The following IL1F10 variants were observed in gnomAD, a reference collection of about 807,000 sequenced individuals.
IL1F10 encodes interleukin-1 family member 10.
IL1F10 carries 13 observed loss-of-function variants against 13.1 expected under a neutral mutation model. The observed-to-expected ratio is 0.99, with a 90% CI of 0.64 to 1.57. The LOEUF is 1.57. Among genes scored for constraint, IL1F10 ranks in the 40% most tolerant of loss-of-function variants. The pLI, the probability that IL1F10 is intolerant of heterozygous loss-of-function variation, is 0.00. For missense variants in IL1F10, 191 were observed against 184.1 expected (o/e 1.04, Z -0.22); for synonymous variants, 78 against 68.2 (o/e 1.14, Z -0.71).
At chr2:113,072,557 G>A in intron 1 of IL1F10, 154 bp from the exon 2 acceptor site, 1 of 576,986 alleles carries the variant, frequency 1.7e-6, no homozygotes. Context: ...CTGCTGGGCT[G>A]GTGGAAGCCT....
intron 3 of IL1F10, 105 bp from the exon 4 acceptor site, chr2:113,074,618 C>A: frequency 7.1e-7 from 1 of 1,413,350 alleles, no homozygotes; most frequent in Non-Finnish European, 1.0e-6. Flanking sequence ...AGGGCCAGGC[C>A]AGGTGTGCCC....
chr2:113,068,244 A>T (rs1685775564), intron 1 of IL1F10, among the ~76,000 whole-genome samples: 1 of 152,220 alleles, frequency 6.6e-6, no homozygotes, highest in African/African-American at 2.4e-5. Flanking sequence ...TGAACTACTT[A>T]GAACAACTGA....
intron 1 of IL1F10, among the ~76,000 whole-genome samples, chr2:113,071,444 C>T (rs1685833141): frequency 6.6e-6 from 1 of 152,158 alleles, no homozygotes; most frequent in African/African-American, 2.4e-5. Flanking sequence ...AAGGGAAACA[C>T]ATGCAATCAC....
chr2:113,069,545 A>C lies in IL1F10; in HGVS notation c.-29+1529A>C, dbSNP rs28928277. ...GAGGAATATTATGACAGTGAGAGAA[A>C]TGAAATTGGGAGGAATGTGTGGGCT... On this transcript the variant is annotated intron_variant, in intron 1 of 4. Transcript: ENST00000341010. Among the ~76,000 whole-genome samples, 298 of 152,336 alleles carry C rather than the reference A, an allele frequency of 2.0e-3. 3 individuals are homozygous for C. Among genetic ancestry groups the C allele is most frequent in the African/African-American group, 6.7e-3 (278 of 41,566 alleles).
rs1393975660 is a variant in IL1F10 at position 113,072,760 on chromosome 2, A to G, written c.22A>G (p.Arg8Gly). The G allele has an allele frequency of 1.9e-6, 3 of 1,613,368 alleles. No homozygotes were observed. Among genetic ancestry groups the G allele is most frequent in the Non-Finnish European group, 2.5e-6 (3 of 1,179,634 alleles). MCSLPMA[R>G]YYIIKYADQK... ...AGGAATGTGTTCCCTCCCCATGGCA[A>G]GATACTACATGTAAGTTGTCCTGGC... Residue 8 changes from arginine to glycine, a missense_variant, in exon 2 of 5, where the codon AGA (arginine) becomes GGA (glycine). Transcript: ENST00000341010.
chr2:113,073,532 G>A (rs1685876879), intron 2 of IL1F10, among the ~76,000 whole-genome samples: 3 of 152,132 alleles, frequency 2.0e-5, no homozygotes, highest in African/African-American at 7.2e-5. Flanking sequence ...TCTGGGTTCT[G>A]GTCTCCAAAT....
intron 1 of IL1F10, among the ~76,000 whole-genome samples, chr2:113,070,519 C>G (rs1034364249): frequency 2.6e-5 from 4 of 152,110 alleles, no homozygotes; most frequent in Admixed American, 6.5e-5. Flanking sequence ...CTTTGTTGCC[C>G]CACCTAGATC....
chr2:113,071,159 G>A (rs1364572871), intron 1 of IL1F10, among the ~76,000 whole-genome samples: 1 of 152,306 alleles, frequency 6.6e-6, no homozygotes, highest in South Asian at 2.1e-4. Flanking sequence ...GTCTCTATGT[G>A]TGGATTTAAA....
chr2:113,074,304 C>T (rs1314776558), intron 2 of IL1F10, 25 bp from the exon 3 acceptor site: 4 of 1,462,400 alleles, frequency 2.7e-6, no homozygotes, highest in Middle Eastern at 1.7e-4. Context: ...GGGAATGGGC[C>T]ATCAGCACTG....
intron 1 of IL1F10, among the ~76,000 whole-genome samples, chr2:113,071,290 T>G (rs1174716799): frequency 6.6e-6 from 1 of 152,242 alleles, no homozygotes; most frequent in Non-Finnish European, 1.5e-5. Context: ...ACATCCTTAT[T>G]TATTGAATTT....
At chr2:113,068,177 T>G (rs1685774540) in intron 1 of IL1F10, among the ~76,000 whole-genome samples, 161 bp downstream of exon 1, 1 of 152,212 alleles carries the variant, frequency 6.6e-6, no homozygotes, top group Non-Finnish European at 1.5e-5. Context: ...CAAAAACATT[T>G]AGGAGCACAT....
At chr2:113,072,987 T>C (rs1243818410) in intron 2 of IL1F10, among the ~76,000 whole-genome samples, 1 of 152,198 alleles carries the variant, frequency 6.6e-6, no homozygotes, top group Non-Finnish European at 1.5e-5. Flanking sequence ...AAAAAGTCTG[T>C]AAGTGGAGTG....
chr2:113,070,825 T>C (rs1254905208), intron 1 of IL1F10, among the ~76,000 whole-genome samples: 1 of 152,170 alleles, frequency 6.6e-6, no homozygotes, highest in Non-Finnish European at 1.5e-5. Flanking sequence ...TATATATTTA[T>C]TAATAAGTGT....
chr2:113,075,025 G>T, intron 4 of IL1F10, 127 bp from the exon 5 acceptor site: 1 of 1,219,520 alleles, frequency 8.2e-7, no homozygotes, highest in South Asian at 1.4e-5. Flanking sequence ...TCTAGAATCT[G>T]CAGAAGGCAG....
At chr2:113,069,863 C>G (rs1685800563) in intron 1 of IL1F10, among the ~76,000 whole-genome samples, 1 of 152,126 alleles carries the variant, frequency 6.6e-6, no homozygotes, top group Non-Finnish European at 1.5e-5. Flanking sequence ...GTCAAGGGTT[C>G]CAAGGAGGCA....
At chr2:113,068,204 A>G (rs1685774948) in intron 1 of IL1F10, among the ~76,000 whole-genome samples, 188 bp downstream of exon 1, 1 of 152,220 alleles carries the variant, frequency 6.6e-6, no homozygotes, top group Non-Finnish European at 1.5e-5. Flanking sequence ...ATTTGAGGAG[A>G]AGGAATAGGT....
chr2:113,075,179 G>T lies in IL1F10; in HGVS notation c.274G>T (p.Gly92Cys). 6 of 1,612,734 alleles carry T rather than the reference G, an allele frequency of 3.7e-6. No individual in the cohort carries two copies. Among genetic ancestry groups the T allele is most frequent in the Non-Finnish European group, 5.1e-6 (6 of 1,179,636 alleles). Residue 92 changes from glycine (G) to cysteine (C), a missense_variant, in exon 5 of 5, where the codon GGT (glycine) becomes TGT (cysteine). Physicochemically the swap from Gly to Cys is radical, Grantham distance 159. Coordinates refer to ENST00000341010, the MANE Select transcript of IL1F10 (RefSeq NM_173161.3). ...TGTGAACATTGAGGAACTGTACAAA[G>T]GTGGTGAAGAGGCCACACGCTTCAC... is the stretch of plus-strand genomic sequence containing the variant. The part of the protein sequence containing the change: ...EDVNIEELYK[G>C]GEEATRFTFF...
chr2:113,070,365 G>A (rs972495572), intron 1 of IL1F10, among the ~76,000 whole-genome samples: 1 of 152,202 alleles, frequency 6.6e-6, no homozygotes, highest in Non-Finnish European at 1.5e-5. Context: ...TGTACATTTT[G>A]GCTGTGCCAG....
At position 113,075,425 on chromosome 2, in the gene IL1F10, C is replaced by A; in HGVS notation, c.*61C>A. 1 of 1,244,380 alleles carries A rather than the reference C, an allele frequency of 8.0e-7. No homozygotes were observed. The highest frequency in any genetic ancestry group is 1.1e-6 in the Non-Finnish European group (1 of 889,338). The allele number at this position is 1,244,380 out of a possible 1,614,324, so 77.1% of individuals were successfully genotyped here. A position where few individuals can be genotyped will look rare whatever the true frequency, so the allele number is the denominator to read the frequency against. ...AAACCAAGCTCATCCTGCTCAGGGT[C>A]TATGGTAGGCAGAATAATGTCCCCC... On this transcript the variant is annotated 3_prime_UTR_variant, in exon 5 of 5. Coordinates refer to ENST00000341010, the MANE Select transcript of IL1F10 (RefSeq NM_173161.3).
Sources: allele counts gnomAD v4.1 joint callset (sites outside exome capture counted in the v4.1 genomes callset), GRCh38; gene constraint gnomAD v4.1.1; transcripts MANE v1.5; gene names NCBI Gene and HGNC (gene_info 2026-07-23, HGNC 2026-07-21).